Variants in ATP13A4 observed in about 807,000 individuals in gnomAD.
ATP13A4 encodes probable cation-transporting ATPase 13A4.
ATP13A4 carries 114 observed loss-of-function variants against 142.5 expected under a neutral mutation model. The observed-to-expected ratio is 0.80, with a 90% CI of 0.69 to 0.93. ATP13A4 has a LOEUF of 0.93. Ranked by LOEUF, ATP13A4 falls within the 40% of genes least tolerant of loss-of-function variation. The pLI is 0.00. For missense variants in ATP13A4, 1,392 were observed against 1,454.0 expected (o/e 0.96, Z 0.69); for synonymous variants, 488 against 514.8 (o/e 0.95, Z 0.70).
At chr3:193,419,379 C>T (rs941841608) in intron 25 of ATP13A4, among the ~76,000 whole-genome samples, 4 of 150,202 alleles carry the variant, frequency 2.7e-5, no homozygotes, top group Non-Finnish European at 2.9e-5. Context: ...TCCAACTACC[C>T]CTCCCAGTTG....
In ATP13A4 at chr3:193,489,819, A is replaced by G. The variant is rs754818496; in HGVS notation, c.649T>C (p.Trp217Arg). 1 of 1,611,818 alleles carries G rather than the reference A, an allele frequency of 6.2e-7. No homozygotes were observed. Among genetic ancestry groups the G allele is most frequent in the Non-Finnish European group, 8.5e-7 (1 of 1,177,976 alleles). ...YIFQLFSVCL[W>R]FSEDYKEYAF... ...TATTCCTTATAGTCTTCACTAAACC[A>G]CAAACAGACACTGAAGAGTTGAAAT... The change falls in exon 7 of 30, where the codon TGG (tryptophan) becomes CGG (arginine). Residue 217 changes from tryptophan (W) to arginine (R), a missense_variant. Trp to Arg is a moderately radical substitution (Grantham distance 101, BLOSUM62 -3). Transcript: ENST00000342695.
rs1341353788 is a variant in ATP13A4, at chr3:193,441,557, G to A, written c.2348C>T (p.Ser783Phe). The A allele has an allele frequency of 6.2e-7, 1 of 1,613,322 alleles. No homozygotes were observed. The highest frequency in any genetic ancestry group is 2.2e-5 in the East Asian group (1 of 44,834). Residue 783 changes from serine (S) to phenylalanine (F), a missense_variant, in exon 20 of 30, where the codon TCT becomes TTT. Physicochemically the swap from Ser to Phe is radical, Grantham distance 155. Coordinates refer to ENST00000342695, the MANE Select transcript of ATP13A4 (RefSeq NM_032279.4). ...DNYINIRDEV[S>F]DKGREGSYHF... is the part of the protein sequence containing the mutation. ...GTAACTTCCTTCTCTGCCTTTATCA[G>A]AGACTTCATCCCTGATGTTAATGTA...
rs746086041 is a variant in ATP13A4 at position 193,433,892 on chromosome 3, T to C, written c.2795A>G (p.Gln932Arg). ...YWETNSLSNY[Q>R]FLFQDLAITT... ...AATGGCCAGATCCTGGAACAGAAAC[T>C]GGTAATTTGAAAGGCTGTTTGTCTC... Residue 932 changes from glutamine to arginine, a missense_variant, in exon 25 of 30, where the codon CAG becomes CGG. By Grantham distance (43) the Gln-to-Arg change is conservative. Transcript: ENST00000342695. 1.2e-6 allele frequency: 2 copies of C among 1,613,882 alleles called. No homozygotes were observed. The highest frequency in any genetic ancestry group is 2.7e-5 in the African/African-American group (2 of 75,046).
rs371105790 is a variant in ATP13A4 at position 193,441,518 on chromosome 3, G to A, written c.2387C>T (p.Thr796Ile). 1 of 1,613,618 alleles carries A rather than the reference G, an allele frequency of 6.2e-7. No individual in the cohort carries two copies. The highest frequency in any genetic ancestry group is 1.3e-5 in the African/African-American group (1 of 74,918). ...ACTTATAACATGAAAGGATTTTCCA[G>A]TTAGGGCAAAATGGTAACTTCCTTC... ...GREGSYHFALTGKSFHVISQH... is the reference protein window; with the variant it reads ...GREGSYHFALIGKSFHVISQH... The change falls in exon 20 of 30, where the codon ACT (threonine) becomes ATT (isoleucine). Residue 796 changes from threonine to isoleucine, a missense_variant. Thr to Ile is a moderately conservative substitution (Grantham distance 89). Coordinates refer to ENST00000342695, the MANE Select transcript of ATP13A4 (RefSeq NM_032279.4).
rs1388229663 is a variant in ATP13A4, at chr3:193,433,839, T to A, written c.2842+6A>T. 1 of 1,611,054 alleles carries A rather than the reference T, an allele frequency of 6.2e-7. No homozygotes were observed. Among genetic ancestry groups the A allele is most frequent in the Admixed American group, 1.7e-5 (1 of 60,012 alleles). ...CCTCTGGTAAGAAAGTTTTAAAATG[T>A]CTTACTTGTTACACCAATAAGAGTT... On this transcript the variant is annotated splice_donor_region_variant and intron_variant, in intron 25 of 29. Transcript: ENST00000342695.
intron 2 of ATP13A4, among the ~76,000 whole-genome samples, chr3:193,576,249 CTTTTTTTTTTTTTTTTT>C (rs59910562): frequency 9.2e-5 from 5 of 54,394 alleles, no homozygotes; most frequent in African/African-American, 1.4e-4. Flanking sequence ...TTGAATCAAT[CTTTTTTTTTTTTTTTTT>C]TTTTTTTTTT....
At chr3:193,540,557 C>T (rs1722838859) in intron 1 of ATP13A4, among the ~76,000 whole-genome samples, 1 of 138,714 alleles carries the variant, frequency 7.2e-6, no homozygotes, top group Non-Finnish European at 1.5e-5. Context: ...AAAAAAAACC[C>T]TTCTAGCTTA....
At chr3:193,521,015 T>A (rs933369732) in intron 1 of ATP13A4, among the ~76,000 whole-genome samples, 1 of 152,218 alleles carries the variant, frequency 6.6e-6, no homozygotes, top group African/African-American at 2.4e-5. Flanking sequence ...GAATGACACC[T>A]GGCCCAGATG....
At chr3:193,586,756 A>C (rs903070030) in intron 1 of ATP13A4, among the ~76,000 whole-genome samples, 3 of 152,214 alleles carry the variant, frequency 2.0e-5, no homozygotes, top group African/African-American at 4.8e-5. Context: ...TCTTGATTAC[A>C]ATTGTTTTAT....
intron 11 of ATP13A4, 132 bp downstream of exon 11, chr3:193,465,893 T>C: frequency 2.9e-6 from 3 of 1,024,280 alleles, no homozygotes; most frequent in Non-Finnish European, 3.0e-6. Context: ...TGGAAGTCTA[T>C]ACGTAGGCAT....
At position 193,442,421 on chromosome 3, in the gene ATP13A4, T is replaced by C; in HGVS notation, c.2288A>G (p.Glu763Gly). ...ATTCCCATACATAATGTGTTTCTTC[T>C]CTTCTACTAACGTCCAAGATATAGA... Reference protein sequence around the residue: ...SASISWTLVEEKKHIMYGNQD... With the variant: ...SASISWTLVEGKKHIMYGNQD... The change falls in exon 19 of 30, where the codon GAG becomes GGG. Residue 763 changes from glutamate to glycine, a missense_variant. Physicochemically the swap from Glu to Gly is moderately conservative, Grantham distance 98. Coordinates refer to ENST00000342695, the MANE Select transcript of ATP13A4 (RefSeq NM_032279.4). The C allele has an allele frequency of 6.2e-7, 1 of 1,614,106 alleles. No homozygotes were observed. The highest frequency in any genetic ancestry group is 8.5e-7 in the Non-Finnish European group (1 of 1,179,934).
At chr3:193,544,349 G>A (rs1374862246) in intron 1 of ATP13A4, among the ~76,000 whole-genome samples, 1 of 152,098 alleles carries the variant, frequency 6.6e-6, no homozygotes, top group Non-Finnish European at 1.5e-5. Flanking sequence ...TCTCACCTAA[G>A]AAAACTACAA....
At chr3:193,402,955 T>C (rs1288864490) in intron 29 of ATP13A4, 91 bp from the exon 30 acceptor site, 5 of 1,148,758 alleles carry the variant, frequency 4.4e-6, no homozygotes, top group Non-Finnish European at 6.3e-6. Context: ...ACTACTGCAA[T>C]GGTTGCTTAG....
At chr3:193,471,743 T>C (rs1464832585) in intron 8 of ATP13A4, among the ~76,000 whole-genome samples, 1 of 152,168 alleles carries the variant, frequency 6.6e-6, no homozygotes, top group Non-Finnish European at 1.5e-5. Flanking sequence ...TGTTCATTCT[T>C]ACCCATGATA....
At chr3:193,533,777 C>A (rs1722448801) in intron 1 of ATP13A4, among the ~76,000 whole-genome samples, 1 of 152,178 alleles carries the variant, frequency 6.6e-6, no homozygotes, top group Non-Finnish European at 1.5e-5. Flanking sequence ...GTAATGAGGT[C>A]TTTCAACCTC....
Position 193,448,289 on chromosome 3 carries a change from A to C in ATP13A4, c.2069T>G (p.Ile690Ser). Residue 690 changes from isoleucine (I) to serine (S), a missense_variant, in exon 18 of 30, where the codon ATC (isoleucine) becomes AGC (serine). By Grantham distance (142) the Ile-to-Ser change is moderately radical (BLOSUM62 -2). Coordinates refer to ENST00000342695, the MANE Select transcript of ATP13A4 (RefSeq NM_032279.4). ...CTCTTCCTTCAATCGATTCTCCAAG[A>C]TCAGCAGCCCCAGAAATATCAGGTC... ...ESDLIFLGLLILENRLKEETK... is the reference protein window; with the variant it reads ...ESDLIFLGLLSLENRLKEETK... 1 of 1,614,156 alleles carries C rather than the reference A, an allele frequency of 6.2e-7. No homozygotes were observed. The highest frequency in any genetic ancestry group is 1.6e-4 in the Middle Eastern group (1 of 6,062).
At chr3:193,555,339 TCA>T (rs2108733107), upstream of ATP13A4, among the ~76,000 whole-genome samples, 2 of 152,384 alleles carry the variant, frequency 1.3e-5, no homozygotes, top group South Asian at 4.1e-4. Flanking sequence ...AATAGTACTC[TCA>T]TTCATTTTGC....
intron 29 of ATP13A4, among the ~76,000 whole-genome samples, chr3:193,406,743 C>T (rs142848371): frequency 3.8e-4 from 58 of 152,310 alleles, no homozygotes; most frequent in African/African-American, 1.3e-3. Context: ...AAAGAAGCCA[C>T]ACACAAAAGG....
intron 2 of ATP13A4, among the ~76,000 whole-genome samples, chr3:193,565,551 AACCTCTGCT>A (rs1442194849): frequency 2.0e-5 from 3 of 152,180 alleles, no homozygotes; most frequent in African/African-American, 7.2e-5. Context: ...AACTTGGGGC[AACCTCTGCT>A]ACTCAATTAA....
Sources: allele counts gnomAD v4.1 joint callset (sites outside exome capture counted in the v4.1 genomes callset), GRCh38; gene constraint gnomAD v4.1.1; transcripts MANE v1.5; gene names NCBI Gene and HGNC (gene_info 2026-07-23, HGNC 2026-07-21).